Variants in DIP2C observed in about 807,000 individuals in gnomAD.
The protein encoded by DIP2C is disco-interacting protein 2 homolog C.
A neutral mutation model predicts 192.4 loss-of-function variants in DIP2C; 33 were observed. That is an observed-to-expected ratio of 0.17 (90% confidence interval 0.13 to 0.23). DIP2C has a LOEUF of 0.23. Ranked by LOEUF, DIP2C falls within the 10% of genes least tolerant of loss-of-function variation. The pLI is 1.00. For missense variants in DIP2C, 1,537 were observed against 2,110.1 expected, an observed-to-expected ratio of 0.73 and a Z score of 5.32; for synonymous variants, 979 against 864.1, an observed-to-expected ratio of 1.13 and a Z score of -2.33.
At chr10:568,958 G>A (rs17159679) in intron 1 of DIP2C, among the ~76,000 whole-genome samples, 1 of 152,028 alleles carries the variant, frequency 6.6e-6, no homozygotes, top group Admixed American at 6.6e-5. Flanking sequence ...GAAATGAACA[G>A]CTGTGCCAGA....
chr10:621,661 A>G (rs1319954199), intron 1 of DIP2C, among the ~76,000 whole-genome samples: 1 of 152,158 alleles, frequency 6.6e-6, no homozygotes, highest in African/African-American at 2.4e-5. Context: ...TGATCCTGCC[A>G]TCACTCACCC....
At chr10:590,294 G>C (rs1851323032) in intron 1 of DIP2C, among the ~76,000 whole-genome samples, 1 of 152,346 alleles carries the variant, frequency 6.6e-6, no homozygotes. Context: ...AAATAGCACA[G>C]CACCTTCGAG....
chr10:580,323 GT>G (rs1325553945), intron 1 of DIP2C, among the ~76,000 whole-genome samples: 10 of 152,292 alleles, frequency 6.6e-5, no homozygotes, highest in African/African-American at 2.2e-4. Context: ...ATATCCACAA[GT>G]TTATTCAGTG....
At chr10:388,286 C>T (rs1394395711) in intron 13 of DIP2C, among the ~76,000 whole-genome samples, 8 of 152,082 alleles carry the variant, frequency 5.3e-5, no homozygotes, top group African/African-American at 9.7e-5. Context: ...ATTTGGAAGA[C>T]GGGGAGGACA....
chr10:458,193 G>A (rs914964965), intron 3 of DIP2C, among the ~76,000 whole-genome samples: 1 of 152,174 alleles, frequency 6.6e-6, no homozygotes, highest in African/African-American at 2.4e-5. Flanking sequence ...GTCCTACTTG[G>A]CCGCACTGTA....
intron 1 of DIP2C, among the ~76,000 whole-genome samples, chr10:586,611 ATC>A (rs1349025807): frequency 6.6e-6 from 1 of 152,172 alleles, no homozygotes; most frequent in Middle Eastern, 3.2e-3. Context: ...AGCCCAACAC[ATC>A]TCTTCCTGTT....
intron 3 of DIP2C, among the ~76,000 whole-genome samples, chr10:450,073 C>T (rs772442381): frequency 4.6e-5 from 7 of 152,162 alleles, no homozygotes; most frequent in Admixed American, 6.5e-5. Context: ...GGAAAACAGT[C>T]GCTCTGATTC....
intron 1 of DIP2C, among the ~76,000 whole-genome samples, chr10:647,887 A>T: frequency 6.6e-6 from 1 of 150,868 alleles, no homozygotes; most frequent in African/African-American, 2.5e-5. Context: ...GTCCACGTCG[A>T]CATTGGATGG....
Position 341,189 on chromosome 10 carries a change from G to A in DIP2C, c.3584+10C>T, listed in dbSNP as rs374908967. 58 of 1,614,060 alleles carry A rather than the reference G, an allele frequency of 3.6e-5. 1 individual carries two copies. The South Asian group carries it at 3.7e-4, about 10-fold the overall frequency. ...TTTTTTTAATGTAAAGATATAGAGA[G>A]GCATCTTACCTGCAGAGGCACCAGA... On this transcript the variant is annotated intron_variant, in intron 29 of 36. Coordinates refer to ENST00000280886, the MANE Select transcript of DIP2C (RefSeq NM_014974.3).
At chr10:400,493 G>A (rs140463856) in intron 9 of DIP2C, among the ~76,000 whole-genome samples, 13 of 151,714 alleles carry the variant, frequency 8.6e-5, no homozygotes, top group African/African-American at 1.7e-4. Flanking sequence ...TAGCATTAGC[G>A]TTACTCTTCC....
intron 13 of DIP2C, among the ~76,000 whole-genome samples, chr10:388,625 G>A (rs1963179083): frequency 1.3e-5 from 2 of 152,256 alleles, no homozygotes; most frequent in Admixed American, 6.5e-5. Flanking sequence ...GACCTTGGAG[G>A]CGCAGGGGGC....
chr10:671,762 C>G (rs550412312), intron 1 of DIP2C, among the ~76,000 whole-genome samples: 2 of 114,558 alleles, frequency 1.7e-5, no homozygotes, highest in Admixed American at 9.5e-5. Context: ...GACGCACGGA[C>G]GGAGGAAACG....
At chr10:396,854 C>T (rs533550714) in intron 10 of DIP2C, among the ~76,000 whole-genome samples, 198 of 138,416 alleles carry the variant, frequency 1.4e-3, no homozygotes, top group African/African-American at 5.4e-3. Flanking sequence ...GCTGCAAATC[C>T]GGTGGGGGGG....
intron 1 of DIP2C, among the ~76,000 whole-genome samples, chr10:509,840 C>T (rs563445440): frequency 1.6e-4 from 24 of 152,260 alleles, no homozygotes; most frequent in Admixed American, 1.2e-3. Flanking sequence ...ACAGGGCCGC[C>T]GCAGTCTCCT....
rs867736584 is a variant in DIP2C, at chr10:678,555, T to C, written c.85+10939A>G. Among the ~76,000 whole-genome samples the C allele has an allele frequency of 8.1e-3, 798 of 98,498 alleles. 6 individuals are homozygous for C. The highest frequency in any genetic ancestry group is 0.031 in the African/African-American group (733 of 23,618). 64.6% of individuals were successfully genotyped at this position (98,498 alleles called of 152,430 possible). A position where few individuals can be genotyped will look rare whatever the true frequency, so the allele number is the denominator to read the frequency against. The stretch of plus-strand genomic sequence containing the variant: ...TCCCCGCGCCCATCTCTGCTCCCCA[T>C]GCCCATGCTCCCCACGCCCGTCCTC... On this transcript the variant is annotated intron_variant, in intron 1 of 36. Transcript: ENST00000280886.
At chr10:419,521 G>A (rs764881563) in intron 5 of DIP2C, among the ~76,000 whole-genome samples, 18 of 152,192 alleles carry the variant, frequency 1.2e-4, no homozygotes, top group African/African-American at 2.2e-4. Flanking sequence ...GTGTGTTCAC[G>A]GAGGGGTCCT....
chr10:435,907 C>T (rs1238979224), intron 4 of DIP2C, among the ~76,000 whole-genome samples: 3 of 152,048 alleles, frequency 2.0e-5, no homozygotes, highest in Admixed American at 2.0e-4. Context: ...TGGCACCTTC[C>T]AACAGAATTA....
At chr10:531,614 G>A (rs964044951) in intron 1 of DIP2C, among the ~76,000 whole-genome samples, 6 of 152,158 alleles carry the variant, frequency 3.9e-5, no homozygotes, top group East Asian at 1.9e-4. Context: ...GGCCGAGCTC[G>A]GGAAAGGCGG....
Position 417,958 on chromosome 10 carries a change from C to A in DIP2C, c.739+1107G>T, listed in dbSNP as rs1461639085. 1.1e-4 allele frequency among the ~76,000 whole-genome samples: 10 copies of A among 91,246 alleles called. 1 individual carries two copies. Among genetic ancestry groups the A allele is most frequent in the African/African-American group, 4.7e-4 (9 of 18,998 alleles). The allele number at this position is 91,246 out of a possible 152,430, so 59.9% of individuals were successfully genotyped here. On this transcript the variant is annotated intron_variant, in intron 6 of 36. Coordinates refer to ENST00000280886, the MANE Select transcript of DIP2C (RefSeq NM_014974.3). ...GGCTTCGATAGGCCTCCCTGTCCAC[C>A]TGCACCTGTCAGGGCTCGGATAGGC... is the stretch of plus-strand genomic sequence containing the variant.
Sources: gnomAD v4.1 joint callset for allele counts (sites outside exome capture counted in the v4.1 genomes callset) on GRCh38, gnomAD v4.1.1 for gene constraint, MANE v1.5 for transcripts, NCBI Gene and HGNC (gene_info 2026-07-23, HGNC 2026-07-21) for gene names.